Variants in EOMES observed in about 807,000 individuals in gnomAD.
The protein encoded by EOMES is eomesodermin.
EOMES carries 18 observed loss-of-function variants against 61.0 expected under a neutral mutation model. That is an observed-to-expected ratio of 0.30 (90% confidence interval 0.20 to 0.44). The LOEUF is 0.44. Ranked by LOEUF, EOMES falls within the 20% of genes least tolerant of loss-of-function variation. The probability of loss-of-function intolerance (pLI) is 1.00; values close to 1 mark genes in which losing one functional copy is unlikely to be tolerated. For synonymous variants in EOMES, 430 were observed against 394.0 expected (o/e 1.09, Z -1.08); for missense variants, 885 against 939.2 (o/e 0.94, Z 0.75).
intron 2 of EOMES, 116 bp downstream of exon 2, chr3:27,720,055 G>T: frequency 1.0e-6 from 1 of 956,898 alleles, no homozygotes; most frequent in Non-Finnish European, 1.6e-6. Flanking sequence ...ACACCTCTAG[G>T]CCTCAGAATG....
chr3:27,719,502 A>T (rs758508314), intron 2 of EOMES, 21 bp from the exon 3 acceptor site: 1 of 1,611,586 alleles, frequency 6.2e-7, no homozygotes. Context: ...ATGAAACAAA[A>T]CACAAAACCC....
At position 27,718,674 on chromosome 3, in the gene EOMES, T is replaced by C. The variant is rs1466154832; in HGVS notation, c.1318-26A>G. On this transcript the variant is annotated intron_variant, in intron 4 of 5. Transcript: ENST00000449599. ...CTAGATAGGGGAGAAAAACAGTCAT[T>C]GAGTGATTTATCATGCTGGACCTTA... The C allele has an allele frequency of 3.1e-6, 5 of 1,612,810 alleles. No homozygotes were observed. The African/African-American group carries it at 4.0e-5, about 13-fold the overall frequency.
intron 3 of EOMES, among the ~76,000 whole-genome samples, 161 bp from the exon 4 acceptor site, chr3:27,719,054 C>A (rs1024597950): frequency 1.3e-5 from 2 of 151,926 alleles, no homozygotes; most frequent in Admixed American, 6.6e-5. Flanking sequence ...ATTGCCCCCC[C>A]CCTTTTTTTT....
In EOMES at chr3:27,716,938, A is replaced by C; in HGVS notation, c.*132T>G. 1 of 658,518 alleles carries C rather than the reference A, an allele frequency of 1.5e-6. No homozygotes were observed. Among genetic ancestry groups the C allele is most frequent in the South Asian group, 2.0e-5 (1 of 49,326 alleles). 40.8% of individuals were successfully genotyped at this position (658,518 alleles called of 1,614,324 possible). ...AAAGCTTTGGCACCTTCTTTTAGAG[A>C]ATTGCACAAAACAGGATGCATCAAG... On this transcript the variant is annotated 3_prime_UTR_variant, in exon 6 of 6. Transcript: ENST00000449599.
chr3:27,717,387 G>C lies in EOMES; in HGVS notation c.1801C>G (p.Gln601Glu), dbSNP rs770027537. ...MAGWGGRGSY[Q>E]RKMAAGLPWT... ...GGTAGTCCAGCTGCCATCTTCCTCT[G>C]GTAAGAACCTCGACCTCCCCACCCT... The change falls in exon 6 of 6, where the codon CAG becomes GAG. Residue 601 changes from glutamine to glutamate, a missense_variant. Physicochemically the swap from Gln to Glu is conservative, Grantham distance 29. This residue lies in a region of EOMES where 259 missense variants were observed against 282.3 expected (regional missense o/e 0.92). Transcript: ENST00000449599. This position sits in a 1 kb window ranked among gnomAD's most constrained non-coding sequence, Gnocchi z 4.5. The C allele has an allele frequency of 9.3e-6, 15 of 1,614,176 alleles. No homozygotes were observed. Among genetic ancestry groups the C allele is most frequent in the Admixed American group, 5.0e-5 (3 of 60,026 alleles).
rs1314270510 is a variant in EOMES, at chr3:27,717,489, A to G, written c.1699T>C (p.Tyr567His). The G allele has an allele frequency of 1.9e-6, 3 of 1,614,140 alleles. No homozygotes were observed. Among genetic ancestry groups the G allele is most frequent in the Admixed American group, 1.7e-5 (1 of 60,018 alleles). ...TGAAGGGGCAAGGATTTAATGCCAT[A>G]TGGGAGCAATGTGCTAGAAGTATAT... ...SEYTSSTLLP[Y>H]GIKSLPLQTS... Residue 567 changes from tyrosine to histidine, a missense_variant, in exon 6 of 6, where the codon TAT becomes CAT. Tyr to His is a moderately conservative substitution (Grantham distance 83, BLOSUM62 2). This residue lies in a region of EOMES where 259 missense variants were observed against 282.3 expected (regional missense o/e 0.92). Coordinates refer to ENST00000449599, the MANE Select transcript of EOMES (RefSeq NM_001278182.2). The surrounding 1 kb of genome is among the most constrained non-coding windows in gnomAD (Gnocchi z 4.5).
chr3:27,721,925 CGGCGGCGGCGG>C lies in EOMES; in HGVS notation c.359_369del (p.Ala120GlyfsTer58), dbSNP rs2060618144. 7 of 1,361,690 alleles carry C rather than the reference CGGCGGCGGCGG, an allele frequency of 5.1e-6. No homozygotes were observed. In the East Asian group the frequency reaches 1.0e-4, roughly 20 times the overall value. The allele number at this position is 1,361,690 out of a possible 1,614,324, so 84.4% of individuals were successfully genotyped here. ...GCAGTGGCCGCAGCCGCGGCGGCGGCGGCGGCGGCGGCTGCAGCGGCGGAGGGCAGCTCCTC... is the reference window on the plus strand; with the variant it reads ...GCAGTGGCCGCAGCCGCGGCGGCGGCCTGCAGCGGCGGAGGGCAGCTCCTC... On this transcript the variant is annotated frameshift_variant, in exon 1 of 6. Coordinates refer to ENST00000449599, the MANE Select transcript of EOMES (RefSeq NM_001278182.2). LOFTEE classifies it high-confidence loss of function. This position sits in a 1 kb window ranked among gnomAD's most constrained non-coding sequence, Gnocchi z 7.4.
Position 27,720,176 on chromosome 3 carries a change from A to C in EOMES, c.1031T>G (p.Met344Arg). 1.9e-6 allele frequency: 3 copies of C among 1,589,108 alleles called. No homozygotes were observed. The highest frequency in any genetic ancestry group is 2.6e-6 in the Non-Finnish European group (3 of 1,168,400). ...CGAGCCTCTTCTCTGCTCACCCTGC[A>C]TGTTATTGTCGGCTTTGCCACAGGT... Reference protein sequence around the residue: ...WVTCGKADNNMQGNKMYVHPE... With the variant: ...WVTCGKADNNRQGNKMYVHPE... The change falls in exon 2 of 6, where the codon ATG (methionine) becomes AGG (arginine). Residue 344 changes from methionine (M) to arginine (R), a missense_variant. This residue lies in a region of EOMES where 177 missense variants were observed against 273.3 expected (regional missense o/e 0.65). Coordinates refer to ENST00000449599, the MANE Select transcript of EOMES (RefSeq NM_001278182.2).
upstream of EOMES, chr3:27,722,585 C>T: frequency 7.4e-6 from 9 of 1,212,124 alleles, no homozygotes; most frequent in East Asian, 3.9e-5. Context: ...CTCAGGACCC[C>T]CACCCTCCTC....
Position 27,716,376 on chromosome 3 carries a change from C to CTTTTTTT in EOMES, c.*687_*693dup, listed in dbSNP as rs530939637. ...ACAACTGTACACTTTTAAATTCTCC[C>CTTTTTTT]TTTTTTTTTTTTTTTTTTTTGGTGA... On this transcript the variant is annotated 3_prime_UTR_variant, in exon 6 of 6. Coordinates refer to ENST00000449599, the MANE Select transcript of EOMES (RefSeq NM_001278182.2). 8.6e-6 allele frequency: 1 copy of CTTTTTTT among 115,838 alleles called. No homozygotes were observed. 7.2% of individuals were successfully genotyped at this position (115,838 alleles called of 1,614,324 possible).
chr3:27,720,886 G>A (rs987297892), intron 1 of EOMES, among the ~76,000 whole-genome samples: 4 of 152,132 alleles, frequency 2.6e-5, no homozygotes, highest in East Asian at 3.9e-4. Context: ...AGCCAGGTCT[G>A]GCTCCAGGGC....
In EOMES at chr3:27,721,747, G is replaced by T. The variant is rs1397881744; in HGVS notation, c.548C>A (p.Ala183Glu). ...HGPVYPAPNG[A>E]RYPYGSMLPP... ...CAGCATGGAGCCGTAGGGGTAGCGCGCCCCGTTAGGAGCCGGGTACACAGG... is the reference window on the plus strand; with the variant it reads ...CAGCATGGAGCCGTAGGGGTAGCGCTCCCCGTTAGGAGCCGGGTACACAGG... The change falls in exon 1 of 6, where the codon GCG becomes GAG. Residue 183 changes from alanine to glutamate, a missense_variant. This residue lies in a region of EOMES where 449 missense variants were observed against 383.6 expected (regional missense o/e 1.17). Coordinates refer to ENST00000449599, the MANE Select transcript of EOMES (RefSeq NM_001278182.2). The surrounding 1 kb of genome is among the most constrained non-coding windows in gnomAD (Gnocchi z 7.4). 1 of 1,486,822 alleles carries T rather than the reference G, an allele frequency of 6.7e-7. No individual in the cohort carries two copies. Among genetic ancestry groups the T allele is most frequent in the Non-Finnish European group, 8.8e-7 (1 of 1,130,064 alleles). 92.1% of individuals were successfully genotyped at this position (1,486,822 alleles called of 1,614,324 possible).
At chr3:27,720,837 G>C (rs1431840256) in intron 1 of EOMES, among the ~76,000 whole-genome samples, 4 of 152,066 alleles carry the variant, frequency 2.6e-5, no homozygotes, top group Non-Finnish European at 4.4e-5. Context: ...AGTGTTAGCA[G>C]TTGGATGTAT....
chr3:27,716,606 G>A lies in EOMES; in HGVS notation c.*464C>T, dbSNP rs1559925148. The A allele has an allele frequency of 6.4e-6, 1 of 155,344 alleles. No individual in the cohort carries two copies. Among genetic ancestry groups the A allele is most frequent in the Non-Finnish European group, 1.4e-5 (1 of 70,112 alleles). The allele number at this position is 155,344 out of a possible 1,614,324, so 9.6% of individuals were successfully genotyped here. A position where few individuals can be genotyped will look rare whatever the true frequency, so the allele number is the denominator to read the frequency against. ...GGCCTAGTATCTTTTGCCCCTGGCAGAATGTAACAGCAAAATGTCTCCTTC... is the reference window on the plus strand; with the variant it reads ...GGCCTAGTATCTTTTGCCCCTGGCAAAATGTAACAGCAAAATGTCTCCTTC... On this transcript the variant is annotated 3_prime_UTR_variant, in exon 6 of 6. Transcript: ENST00000449599.
In EOMES at chr3:27,717,806, A is replaced by T. The variant is rs2060580901; in HGVS notation, c.1382T>A (p.Met461Lys). The T allele has an allele frequency of 1.3e-6, 2 of 1,566,758 alleles. No individual in the cohort carries two copies. The highest frequency in any genetic ancestry group is 1.4e-5 in the African/African-American group (1 of 71,912). Residue 461 changes from methionine (M) to lysine (K), a missense_variant and splice_region_variant, in exon 6 of 6, where the codon ATG becomes AAG. By Grantham distance (95) the Met-to-Lys change is moderately conservative. Around this residue, in one of 3 missense-constraint regions of EOMES, gnomAD observed 177 missense variants for 273.3 expected, o/e 0.65. Transcript: ENST00000449599. The surrounding 1 kb of genome is among the most constrained non-coding windows in gnomAD (Gnocchi z 4.5). ...AKGFRDNYDS[M>K]YTASENDRLT... ...CCTGTCATTTTCTGAAGCGGTGTAC[A>T]TGCTACAATATAAAGAGAAACACTT...
At chr3:27,722,454 C>T (rs1450296051), upstream of EOMES, 1 of 1,364,830 alleles carries the variant, frequency 7.3e-7, no homozygotes. Flanking sequence ...GCCGCTACTG[C>T]GCGTACTGGC....
At position 27,721,783 on chromosome 3, in the gene EOMES, G is replaced by A. The variant is rs1171906480; in HGVS notation, c.512C>T (p.Ala171Val). 1 of 1,494,928 alleles carries A rather than the reference G, an allele frequency of 6.7e-7. No homozygotes were observed. The highest frequency in any genetic ancestry group is 2.8e-5 in the Admixed American group (1 of 36,362). 92.6% of individuals were successfully genotyped at this position (1,494,928 alleles called of 1,614,324 possible). The stretch of plus-strand genomic sequence containing the variant: ...AGCCGGGTACACAGGTCCGTGGGGC[G>A]CCCCAGCCGCCGCCTGGTACGGGAA... ...SLFPYQAAAG[A>V]PHGPVYPAPN... Residue 171 changes from alanine (A) to valine (V), a missense_variant, in exon 1 of 6, where the codon GCG becomes GTG. This residue lies in a region of EOMES where 449 missense variants were observed against 383.6 expected (regional missense o/e 1.17). Transcript: ENST00000449599. This position sits in a 1 kb window ranked among gnomAD's most constrained non-coding sequence, Gnocchi z 7.4.
rs1212876637 is a variant in EOMES at position 27,719,512 on chromosome 3, C to G, written c.1037-31G>C. The G allele has an allele frequency of 2.4e-5, 39 of 1,608,184 alleles. 1 individual carries two copies. The Admixed American group carries it at 6.5e-4, about 27-fold the overall frequency. On this transcript the variant is annotated intron_variant, in intron 2 of 5. Coordinates refer to ENST00000449599, the MANE Select transcript of EOMES (RefSeq NM_001278182.2). ...AGAAAATGAAACAAAACACAAAACCCAAGCATATAGGGCTGTTTACAAATG... is the reference window on the plus strand; with the variant it reads ...AGAAAATGAAACAAAACACAAAACCGAAGCATATAGGGCTGTTTACAAATG...
chr3:27,721,760 C>T lies in EOMES; in HGVS notation c.535G>A (p.Ala179Thr). 6.7e-7 allele frequency: 1 copy of T among 1,492,950 alleles called. No homozygotes were observed. The highest frequency in any genetic ancestry group is 1.4e-5 in the South Asian group (1 of 73,526). The allele number at this position is 1,492,950 out of a possible 1,614,324, so 92.5% of individuals were successfully genotyped here. A position where few individuals can be genotyped will look rare whatever the true frequency, so the allele number is the denominator to read the frequency against. ...TAGGGGTAGCGCGCCCCGTTAGGAGCCGGGTACACAGGTCCGTGGGGCGCC... is the reference window on the plus strand; with the variant it reads ...TAGGGGTAGCGCGCCCCGTTAGGAGTCGGGTACACAGGTCCGTGGGGCGCC... ...AGAPHGPVYP[A>T]PNGARYPYGS... Residue 179 changes from alanine to threonine, a missense_variant, in exon 1 of 6, where the codon GCT (alanine) becomes ACT (threonine). Physicochemically the swap from Ala to Thr is moderately conservative, Grantham distance 58 (BLOSUM62 0). Coordinates refer to ENST00000449599, the MANE Select transcript of EOMES (RefSeq NM_001278182.2). This position sits in a 1 kb window ranked among gnomAD's most constrained non-coding sequence, Gnocchi z 7.4.
Sources: allele counts gnomAD v4.1 joint callset (sites outside exome capture counted in the v4.1 genomes callset), GRCh38; gene constraint gnomAD v4.1.1; regional missense constraint gnomAD v4.1.1; non-coding constraint Gnocchi (gnomAD v3.1); transcripts MANE v1.5; gene names NCBI Gene and HGNC (gene_info 2026-07-23, HGNC 2026-07-21).